The following CLMP variants were observed in gnomAD, a reference collection of about 807,000 sequenced individuals.
The protein encoded by CLMP is CXADR-like membrane protein.
Under a neutral mutation model 45.2 loss-of-function variants are expected in CLMP, and 27 were observed. The ratio of observed to expected loss-of-function variants is 0.60; its 90% CI spans 0.44 to 0.82. The LOEUF is 0.82. Among genes scored for constraint, CLMP ranks in the 40% least tolerant of loss-of-function variants. The pLI, the probability that CLMP is intolerant of heterozygous loss-of-function variation, is 0.00. For synonymous variants in CLMP, 167 were observed against 171.4 expected (o/e 0.97, Z 0.20); for missense variants, 403 against 448.4 (o/e 0.90, Z 0.91).
chr11:123,174,804 C>G (rs956019556), intron 1 of CLMP, among the ~76,000 whole-genome samples: 1 of 152,136 alleles, frequency 6.6e-6, no homozygotes, highest in Non-Finnish European at 1.5e-5. Context: ...TAATTCATCA[C>G]CCTGTTACTC....
intron 1 of CLMP, among the ~76,000 whole-genome samples, chr11:123,174,009 G>A (rs775162530): frequency 4.6e-5 from 7 of 152,136 alleles, no homozygotes; most frequent in Non-Finnish European, 1.0e-4. Context: ...CCTGAGTCTG[G>A]GAAGTTGAGG....
chr11:123,152,975 C>T (rs373567471), intron 1 of CLMP, among the ~76,000 whole-genome samples: 10 of 152,086 alleles, frequency 6.6e-5, no homozygotes, highest in Admixed American at 3.3e-4. Context: ...CAGCCACTGG[C>T]GGATACAAAT....
rs532980669 is a variant in CLMP at position 123,149,881 on chromosome 11, A to G, written c.28+45032T>C. ...GGCTGCAGTTTAGTGGTGCAATCTC[A>G]CCTCACTGCAACCTCCGCTCCCGGG... On this transcript the variant is annotated intron_variant, in intron 1 of 6. Coordinates refer to ENST00000448775, the MANE Select transcript of CLMP (RefSeq NM_024769.5). 2.4e-3 allele frequency among the ~76,000 whole-genome samples: 363 copies of G among 149,222 alleles called. 3 individuals carry two copies. The highest frequency in any genetic ancestry group is 8.6e-3 in the African/African-American group (346 of 40,354).
chr11:123,103,034 T>G (rs1394446652), intron 1 of CLMP, among the ~76,000 whole-genome samples: 2 of 152,100 alleles, frequency 1.3e-5, no homozygotes, highest in Non-Finnish European at 2.9e-5. Flanking sequence ...CACACGCTCA[T>G]TTTTACCAAT....
At chr11:123,126,425 C>T (rs1860896256) in intron 1 of CLMP, among the ~76,000 whole-genome samples, 1 of 152,006 alleles carries the variant, frequency 6.6e-6, no homozygotes, top group Non-Finnish European at 1.5e-5. Context: ...AACTATTTAC[C>T]AGTCCTATTT....
intron 1 of CLMP, chr11:123,135,935 G>A (rs1391691313): frequency 7.3e-6 from 4 of 549,510 alleles, no homozygotes; most frequent in African/African-American, 3.9e-5. Context: ...ATGCAAGTCC[G>A]AGCAAAAAGC....
Position 123,070,672 on chromosome 11 carries a change from C to G in CLMP, c.*2802G>C, listed in dbSNP as rs1032232092. The G allele has an allele frequency of 6.6e-6, 1 of 152,126 alleles. No individual in the cohort carries two copies. Among genetic ancestry groups the G allele is most frequent in the Admixed American group, 6.6e-5 (1 of 15,266 alleles). The allele number at this position is 152,126 out of a possible 1,614,324, so 9.4% of individuals were successfully genotyped here. A position where few individuals can be genotyped will look rare whatever the true frequency, so the allele number is the denominator to read the frequency against. The stretch of plus-strand genomic sequence containing the variant: ...TGTGTATTTGTTTGGCTCAGGTACT[C>G]TAGAAATGAGAATTCTTAGAATTAC... On this transcript the variant is annotated 3_prime_UTR_variant, in exon 7 of 7. Transcript: ENST00000448775.
intron 1 of CLMP, among the ~76,000 whole-genome samples, chr11:123,135,337 G>GA (rs1861057479): frequency 7.2e-6 from 1 of 139,762 alleles, no homozygotes; most frequent in Non-Finnish European, 1.6e-5. Flanking sequence ...TAAAAAAAAG[G>GA]TGGGGGGAGG....
intron 1 of CLMP, among the ~76,000 whole-genome samples, chr11:123,126,392 A>C (rs983282521): frequency 6.6e-6 from 1 of 152,222 alleles, no homozygotes; most frequent in African/African-American, 2.4e-5. Flanking sequence ...TAATGTATTA[A>C]TTAATTTATC....
chr11:123,144,111 A>C (rs967147363), intron 1 of CLMP, among the ~76,000 whole-genome samples: 1 of 152,096 alleles, frequency 6.6e-6, no homozygotes, highest in African/African-American at 2.4e-5. Flanking sequence ...ACTGCACCTG[A>C]CAGCCTTGTG....
At chr11:123,194,660 C>A (rs908340335) in intron 1 of CLMP, among the ~76,000 whole-genome samples, 2 of 152,206 alleles carry the variant, frequency 1.3e-5, no homozygotes, top group African/African-American at 2.4e-5. Context: ...TAAACACCGC[C>A]CTAAAGAGGA....
intron 1 of CLMP, among the ~76,000 whole-genome samples, chr11:123,113,612 A>G (rs1456077530): frequency 6.6e-6 from 1 of 152,176 alleles, no homozygotes; most frequent in Non-Finnish European, 1.5e-5. Flanking sequence ...TCGGAACATC[A>G]CTGTGGACCC....
At chr11:123,126,670 G>A (rs1288938882) in intron 1 of CLMP, among the ~76,000 whole-genome samples, 2 of 152,110 alleles carry the variant, frequency 1.3e-5, no homozygotes, top group Non-Finnish European at 2.9e-5. Flanking sequence ...GGCCGAGGTG[G>A]GTGGATCACA....
intron 2 of CLMP, among the ~76,000 whole-genome samples, chr11:123,092,608 T>C (rs1328819878): frequency 1.3e-5 from 2 of 150,990 alleles, no homozygotes; most frequent in Non-Finnish European, 3.0e-5. Flanking sequence ...ATTTTTCTTT[T>C]CTTTTTTGAG....
Position 123,156,692 on chromosome 11 carries a change from CA to C in CLMP, c.28+38220del, listed in dbSNP as rs759635483. On this transcript the variant is annotated intron_variant, in intron 1 of 6. Transcript: ENST00000448775. ...GTGGTAGGGAAATGCTTTCTTCTTT[CA>C]GCTATACAAAAAGGTGGAGAAATGT... Among the ~76,000 whole-genome samples, 21 of 152,256 alleles carry C rather than the reference CA, an allele frequency of 1.4e-4. 1 individual carries two copies. The South Asian group carries it at 2.5e-3, about 18-fold the overall frequency.
At chr11:123,150,436 A>AAAGAAAGAAAGG (rs1565397286) in intron 1 of CLMP, among the ~76,000 whole-genome samples, 5 of 62,704 alleles carry the variant, frequency 8.0e-5, no homozygotes, top group South Asian at 7.3e-4. Flanking sequence ...AGAAAGAAAG[A>AAAGAAAGAAAGG]AAGAAAGAAA....
intron 1 of CLMP, among the ~76,000 whole-genome samples, chr11:123,139,783 T>G (rs1861128411): frequency 6.6e-6 from 1 of 151,764 alleles, no homozygotes; most frequent in Non-Finnish European, 1.5e-5. Context: ...GCTACTGCAC[T>G]CCAGCCTGGG....
At chr11:123,177,890 C>G (rs964626266) in intron 1 of CLMP, among the ~76,000 whole-genome samples, 8 of 152,224 alleles carry the variant, frequency 5.3e-5, no homozygotes, top group Non-Finnish European at 1.0e-4. Context: ...GGGTCTCACT[C>G]TGTTGCCCAG....
intron 3 of CLMP, among the ~76,000 whole-genome samples, chr11:123,084,101 A>G (rs1350330931): frequency 6.6e-6 from 1 of 152,146 alleles, no homozygotes; most frequent in Admixed American, 6.5e-5. Flanking sequence ...TTACTTCTCA[A>G]AGAAGACACA....
Sources: gnomAD v4.1 joint callset for allele counts (sites outside exome capture counted in the v4.1 genomes callset) on GRCh38, gnomAD v4.1.1 for gene constraint, MANE v1.5 for transcripts, NCBI Gene and HGNC (gene_info 2026-07-23, HGNC 2026-07-21) for gene names.